TGS1: variants seen among roughly 807,000 people sequenced by gnomAD.
TGS1 encodes the protein trimethylguanosine synthase.
Under a neutral mutation model 92.2 loss-of-function variants are expected in TGS1, and 69 were observed. The ratio of observed to expected loss-of-function variants is 0.75; its 90% CI spans 0.62 to 0.91. The LOEUF (loss-of-function observed/expected upper bound fraction) is 0.91. Among genes scored for constraint, TGS1 ranks in the 40% least tolerant of loss-of-function variants. The probability of loss-of-function intolerance (pLI) is 0.00; values close to 1 mark genes in which losing one functional copy is unlikely to be tolerated. For missense variants in TGS1, 1,062 were observed against 1,001.2 expected (o/e 1.06, Z -0.82); for synonymous variants, 345 against 338.1 (o/e 1.02, Z -0.22).
In TGS1 at chr8:55,823,412, A is replaced by G. The variant is rs150802723; in HGVS notation, c.2440-1169A>G. ...TAACTGTGGAAGTGGGGAGGGAGCA[A>G]TGCTTTCAGCTTCCTAATAAAGGAG... is the stretch of plus-strand genomic sequence containing the variant. On this transcript the variant is annotated intron_variant, in intron 12 of 12. Coordinates refer to ENST00000260129, the MANE Select transcript of TGS1 (RefSeq NM_024831.8). 2.2e-3 allele frequency among the ~76,000 whole-genome samples: 330 copies of G among 152,328 alleles called. 1 individual carries two copies. Among genetic ancestry groups the G allele is most frequent in the African/African-American group, 7.5e-3 (313 of 41,578 alleles).
intron 10 of TGS1, among the ~76,000 whole-genome samples, chr8:55,809,971 T>G (rs1000530753): frequency 4.6e-5 from 7 of 152,214 alleles, no homozygotes; most frequent in African/African-American, 1.7e-4. Flanking sequence ...ATGTGAATGT[T>G]TATTTAGAAC....
At chr8:55,776,636 G>A (rs1246126142) in intron 1 of TGS1, among the ~76,000 whole-genome samples, 1 of 152,150 alleles carries the variant, frequency 6.6e-6, no homozygotes, top group Admixed American at 6.5e-5. Context: ...TAACTACCAG[G>A]CCCAGGGTGT....
At chr8:55,803,674 C>G (rs1262750012) in intron 9 of TGS1, among the ~76,000 whole-genome samples, 1 of 150,366 alleles carries the variant, frequency 6.7e-6, no homozygotes, top group Admixed American at 6.6e-5. Flanking sequence ...CTTTTCTTTT[C>G]TTTTTATTTT....
intron 12 of TGS1, among the ~76,000 whole-genome samples, chr8:55,819,981 T>G (rs1303796773): frequency 6.6e-6 from 1 of 152,236 alleles, no homozygotes; most frequent in Admixed American, 6.5e-5. Flanking sequence ...AGCATTGTAT[T>G]TGACACAGAT....
intron 10 of TGS1, among the ~76,000 whole-genome samples, chr8:55,805,268 C>G (rs1274921880): frequency 6.6e-6 from 1 of 152,102 alleles, no homozygotes; most frequent in Non-Finnish European, 1.5e-5. Context: ...TATGAGTCCA[C>G]TTACACCCAG....
chr8:55,810,741 C>T (rs1803315328), intron 10 of TGS1, 140 bp from the exon 11 acceptor site: 3 of 656,624 alleles, frequency 4.6e-6, no homozygotes, highest in East Asian at 5.3e-5. Flanking sequence ...GTCTGTATCT[C>T]GGGTATATGT....
At chr8:55,817,397 G>A (rs1316913655) in intron 12 of TGS1, among the ~76,000 whole-genome samples, 1 of 152,152 alleles carries the variant, frequency 6.6e-6, no homozygotes, top group Admixed American at 6.5e-5. Flanking sequence ...TTTGAATAAT[G>A]TATTTGAATT....
chr8:55,817,737 G>T (rs1803523142), intron 12 of TGS1, among the ~76,000 whole-genome samples: 1 of 152,146 alleles, frequency 6.6e-6, no homozygotes, highest in African/African-American at 2.4e-5. Context: ...AAGCATGAGA[G>T]AATAAAAAGA....
rs752854556 is a variant in TGS1, at chr8:55,805,049, C to CA, written c.2143+15dup. On this transcript the variant is annotated intron_variant, in intron 10 of 12. Coordinates refer to ENST00000260129, the MANE Select transcript of TGS1 (RefSeq NM_024831.8). ...ACAGGAATGAGAGGTAATTAGCCAT[C>CA]AATGGAAGTGAACTATTTTATGTCC... The CA allele has an allele frequency of 6.8e-6, 11 of 1,611,808 alleles. No individual in the cohort carries two copies. The South Asian group carries it at 1.2e-4, about 18-fold the overall frequency.
intron 4 of TGS1, among the ~76,000 whole-genome samples, chr8:55,787,498 G>A (rs897042020): frequency 1.3e-5 from 2 of 151,898 alleles, no homozygotes; most frequent in African/African-American, 2.4e-5. Flanking sequence ...GATCTCAATG[G>A]GGCACAATAT....
At chr8:55,795,852 A>G (rs1585771056) in intron 6 of TGS1, 126 bp from the exon 7 acceptor site, 1 of 752,294 alleles carries the variant, frequency 1.3e-6, no homozygotes, top group Non-Finnish European at 2.2e-6. Context: ...TATCATTTTC[A>G]TAATTTTAAA....
intron 12 of TGS1, among the ~76,000 whole-genome samples, chr8:55,819,903 G>A (rs1377474087): frequency 1.3e-5 from 2 of 152,192 alleles, no homozygotes; most frequent in Non-Finnish European, 2.9e-5. Context: ...TAGTGGCAAA[G>A]CACTTTCTTG....
At chr8:55,783,634 C>T (rs1466206060) in intron 2 of TGS1, among the ~76,000 whole-genome samples, 1 of 152,204 alleles carries the variant, frequency 6.6e-6, no homozygotes, top group Non-Finnish European at 1.5e-5. Context: ...ATGTCTCAAA[C>T]TTCCCTACTG....
At chr8:55,784,491 GT>G (rs1455465429) in intron 2 of TGS1, among the ~76,000 whole-genome samples, 1 of 152,010 alleles carries the variant, frequency 6.6e-6, no homozygotes, top group Non-Finnish European at 1.5e-5. Flanking sequence ...TTGTTTTTTG[GT>G]TTTTGGTTTT....
intron 1 of TGS1, among the ~76,000 whole-genome samples, chr8:55,779,063 C>A (rs1440484340): frequency 6.6e-6 from 1 of 152,126 alleles, no homozygotes; most frequent in Non-Finnish European, 1.5e-5. Flanking sequence ...TTAGTCCTTA[C>A]GTGTGCCAGG....
intron 2 of TGS1, 58 bp from the exon 3 acceptor site, chr8:55,785,661 T>G: frequency 7.7e-7 from 1 of 1,304,358 alleles, no homozygotes; most frequent in Non-Finnish European, 1.0e-6. Flanking sequence ...TAAATGAGAA[T>G]AAGAAAACCT....
chr8:55,795,345 A>C (rs1040264769), intron 6 of TGS1, among the ~76,000 whole-genome samples: 5 of 152,214 alleles, frequency 3.3e-5, no homozygotes, highest in Non-Finnish European at 2.9e-5. Flanking sequence ...CTGATATTTA[A>C]ACCCAGACTA....
chr8:55,810,173 G>A (rs1299418732), intron 10 of TGS1, among the ~76,000 whole-genome samples: 1 of 152,176 alleles, frequency 6.6e-6, no homozygotes, highest in Admixed American at 6.5e-5. Flanking sequence ...TTCAAATGAA[G>A]AATACTGCCA....
rs1370496717 is a variant in TGS1, at chr8:55,773,609, A to AG, written c.-10_-9insG. The stretch of plus-strand genomic sequence containing the variant: ...GCTGCGTACGTCAGAGCTGCCTCCG[A>AG]AGTGGTAAAATGTGCTGCGAGAAGT... On this transcript the variant is annotated 5_prime_UTR_variant, in exon 1 of 13. Coordinates refer to ENST00000260129, the MANE Select transcript of TGS1 (RefSeq NM_024831.8). The AG allele has an allele frequency of 6.2e-7, 1 of 1,607,044 alleles. No homozygotes were observed. The highest frequency in any genetic ancestry group is 8.5e-7 in the Non-Finnish European group (1 of 1,176,948).
Sources: gnomAD v4.1 joint callset for allele counts (sites outside exome capture counted in the v4.1 genomes callset) on GRCh38, gnomAD v4.1.1 for gene constraint, MANE v1.5 for transcripts, NCBI Gene and HGNC (gene_info 2026-07-23, HGNC 2026-07-21) for gene names.